Variants in WDPCP observed in about 807,000 individuals in gnomAD.
The protein encoded by WDPCP is WD repeat containing planar cell polarity effector, also known as WD repeat-containing and planar cell polarity effector protein fritz homolog.
A neutral mutation model predicts 93.1 loss-of-function variants in WDPCP; 71 were observed. That is an observed-to-expected ratio of 0.76 (90% CI 0.63 to 0.93). The LOEUF (loss-of-function observed/expected upper bound fraction) is 0.93, where lower values mean the gene tolerates loss of function less well. WDPCP is among the 40% of genes least tolerant of loss of function. The pLI is 0.00. For missense variants in WDPCP, 844 were observed against 887.4 expected (o/e 0.95, Z 0.62); for synonymous variants, 315 against 315.0 (o/e 1.00, Z 0.00).
At chr2:63,417,344 A>G (rs1441199464) in intron 9 of WDPCP, among the ~76,000 whole-genome samples, 1 of 152,222 alleles carries the variant, frequency 6.6e-6, no homozygotes, top group Non-Finnish European at 1.5e-5. Flanking sequence ...TTAACCCTGT[A>G]GTTGGCATAT....
chr2:63,773,970 T>C (rs1670267409), intron 2 of WDPCP, among the ~76,000 whole-genome samples: 1 of 151,984 alleles, frequency 6.6e-6, no homozygotes, highest in Non-Finnish European at 1.5e-5. Context: ...GAAATAATGG[T>C]ATGGAGACTT....
At chr2:63,337,573 A>C (rs1277311071) in intron 12 of WDPCP, among the ~76,000 whole-genome samples, 2 of 152,328 alleles carry the variant, frequency 1.3e-5, no homozygotes, top group Non-Finnish European at 2.9e-5. Context: ...TTTTTCGAGG[A>C]ACCTCCATTC....
Position 63,657,870 on chromosome 2 carries a change from C to G in WDPCP, n.309-7032G>C, listed in dbSNP as rs567116077. Among the ~76,000 whole-genome samples the G allele has an allele frequency of 1.2e-4, 18 of 152,236 alleles. 1 individual carries two copies. In the South Asian group the frequency reaches 3.5e-3, roughly 30 times the overall value. On this transcript the variant is annotated intron_variant and non_coding_transcript_variant, in intron 2 of 4. Coordinates refer to the WDPCP transcript ENST00000467687. ...CCAGCTGGCCTCTGCTTGGCAGGGA[C>G]CTGTCCACCCCTCACCACCTACAAC...
chr2:63,730,412 T>C (rs1275497835), intron 2 of WDPCP, among the ~76,000 whole-genome samples: 1 of 152,188 alleles, frequency 6.6e-6, no homozygotes, highest in Admixed American at 6.5e-5. Context: ...GTCAGGCCTT[T>C]ATCAGGGACA....
intron 14 of WDPCP, among the ~76,000 whole-genome samples, chr2:63,203,177 T>G (rs769524460): frequency 6.6e-6 from 1 of 152,078 alleles, no homozygotes; most frequent in African/African-American, 2.4e-5. Flanking sequence ...TTAAAAAAAA[T>G]TTTTGTGGGT....
At chr2:63,196,734 T>C (rs769419318) in intron 14 of WDPCP, among the ~76,000 whole-genome samples, 3 of 152,188 alleles carry the variant, frequency 2.0e-5, no homozygotes, top group Non-Finnish European at 4.4e-5. Flanking sequence ...AGGTGTTTAA[T>C]GTAGACAAAA....
At chr2:63,356,543 A>C (rs1690032481) in intron 12 of WDPCP, among the ~76,000 whole-genome samples, 2 of 152,366 alleles carry the variant, frequency 1.3e-5, no homozygotes, top group African/African-American at 4.8e-5. Context: ...TCCTCAAAAA[A>C]TGTAAAAAAA....
At chr2:63,651,275 T>A (rs1710106132) in intron 2 of WDPCP, among the ~76,000 whole-genome samples, 3 of 152,040 alleles carry the variant, frequency 2.0e-5, no homozygotes, top group African/African-American at 7.3e-5. Context: ...GGGTATATTA[T>A]AAATACATAC....
At chr2:63,580,345 G>C (rs2106543804) in intron 1 of WDPCP, among the ~76,000 whole-genome samples, 1 of 152,272 alleles carries the variant, frequency 6.6e-6, no homozygotes, top group East Asian at 1.9e-4. Flanking sequence ...TATTAATGTA[G>C]TCTCAACGTA....
chr2:63,134,335 C>T (rs1173093891), intron 17 of WDPCP, among the ~76,000 whole-genome samples: 1 of 152,162 alleles, frequency 6.6e-6, no homozygotes. Context: ...CATATCCTTT[C>T]CTGCTCCAAT....
In WDPCP at chr2:63,385,202, T is replaced by C. The variant is rs76657016; in HGVS notation, c.1436-3108A>G. On this transcript the variant is annotated intron_variant, in intron 10 of 17. Coordinates refer to ENST00000272321, the MANE Select transcript of WDPCP (RefSeq NM_015910.7). ...ATACCATCATACTTATAGTGAAAGATTGAATGTTTTCCACCGAAGATTGGA... is the reference window on the plus strand; with the variant it reads ...ATACCATCATACTTATAGTGAAAGACTGAATGTTTTCCACCGAAGATTGGA... 8.7e-3 allele frequency among the ~76,000 whole-genome samples: 1,329 copies of C among 152,238 alleles called. 13 individuals carry two copies. Among genetic ancestry groups the C allele is most frequent in the South Asian group, 0.024 (117 of 4,822 alleles).
At chr2:63,350,518 C>T (rs1297495334) in intron 12 of WDPCP, among the ~76,000 whole-genome samples, 1 of 151,974 alleles carries the variant, frequency 6.6e-6, no homozygotes, top group Non-Finnish European at 1.5e-5. Flanking sequence ...TTTGCATACA[C>T]CCTCCTCTCT....
chr2:63,547,574 C>CACACAT lies in WDPCP; in HGVS notation c.75+40622_75+40623insATGTGT, dbSNP rs1553429515. Among the ~76,000 whole-genome samples, 412 of 151,294 alleles carry CACACAT rather than the reference C, an allele frequency of 2.7e-3. 1 individual carries two copies. Among genetic ancestry groups the CACACAT allele is most frequent in the Non-Finnish European group, 4.9e-3 (330 of 67,742 alleles). On this transcript the variant is annotated intron_variant, in intron 1 of 17. Coordinates refer to ENST00000272321, the MANE Select transcript of WDPCP (RefSeq NM_015910.7). The stretch of plus-strand genomic sequence containing the variant: ...GTATGTATACACACACACACACACA[C>CACACAT]ACATACACACACAGACACACACACT...
At chr2:63,318,002 T>C (rs1246739511) in intron 12 of WDPCP, among the ~76,000 whole-genome samples, 2 of 152,094 alleles carry the variant, frequency 1.3e-5, no homozygotes, top group East Asian at 3.9e-4. Context: ...TGGGAGAAAA[T>C]ATTCACAAAC....
intron 14 of WDPCP, among the ~76,000 whole-genome samples, chr2:63,188,925 A>G (rs1674834217): frequency 6.6e-6 from 1 of 152,206 alleles, no homozygotes; most frequent in South Asian, 2.1e-4. Context: ...AATCTTTATG[A>G]ACTACTTTTA....
chr2:63,287,966 T>A (rs1428978650), intron 13 of WDPCP, among the ~76,000 whole-genome samples: 2 of 152,164 alleles, frequency 1.3e-5, no homozygotes, highest in Non-Finnish European at 2.9e-5. Context: ...ATAAAACTCC[T>A]CTATATAAAA....
chr2:63,570,741 A>G (rs1707427902), intron 1 of WDPCP, among the ~76,000 whole-genome samples: 1 of 152,156 alleles, frequency 6.6e-6, no homozygotes, highest in Non-Finnish European at 1.5e-5. Context: ...TAGTTTATTC[A>G]TATATTGTAT....
At chr2:63,686,583 A>C (rs910016869) in intron 2 of WDPCP, among the ~76,000 whole-genome samples, 9 of 152,144 alleles carry the variant, frequency 5.9e-5, no homozygotes, top group Non-Finnish European at 1.0e-4. Context: ...AATAGAAAAA[A>C]AATCCTAAAA....
At chr2:63,244,516 C>T (rs1364864504) in intron 14 of WDPCP, among the ~76,000 whole-genome samples, 1 of 151,898 alleles carries the variant, frequency 6.6e-6, no homozygotes, top group Non-Finnish European at 1.5e-5. Flanking sequence ...AAGCACAATC[C>T]GAAATGACAA....
Sources: allele counts gnomAD v4.1 joint callset (sites outside exome capture counted in the v4.1 genomes callset), GRCh38; gene constraint gnomAD v4.1.1; transcripts MANE v1.5; gene names NCBI Gene and HGNC (gene_info 2026-07-23, HGNC 2026-07-21).